The following ZNF714 variants were observed in gnomAD, a reference collection of about 807,000 sequenced individuals.
The protein encoded by ZNF714 is zinc finger protein 714.
Under a neutral mutation model 46.2 loss-of-function variants are expected in ZNF714, and 32 were observed. The ratio of observed to expected loss-of-function variants is 0.69; its 90% confidence interval spans 0.52 to 0.93. The LOEUF (loss-of-function observed/expected upper bound fraction) is 0.93. Ranked by LOEUF, ZNF714 falls within the 40% of genes least tolerant of loss-of-function variation. The pLI is 0.00. For synonymous variants in ZNF714, 199 were observed against 213.1 expected, an observed-to-expected ratio of 0.93 and a Z score of 0.58; for missense variants, 635 against 646.3, an observed-to-expected ratio of 0.98 and a Z score of 0.19.
intron 4 of ZNF714, among the ~76,000 whole-genome samples, chr19:21,115,874 C>T (rs564702481): frequency 2.0e-5 from 3 of 148,722 alleles, no homozygotes. Flanking sequence ...ATATTTTTTT[C>T]TTATCAGTTT....
chr19:21,096,939 T>C (rs1049219930), intron 2 of ZNF714, among the ~76,000 whole-genome samples: 11 of 152,136 alleles, frequency 7.2e-5, no homozygotes. Flanking sequence ...CAATCTCAGC[T>C]CACTGCAAGC....
rs140084466 is a variant in ZNF714 at position 21,121,440 on chromosome 19, T to A, written c.*3108T>A. The A allele has an allele frequency of 1.3e-5, 2 of 152,226 alleles. No homozygotes were observed. Among genetic ancestry groups the A allele is most frequent in the Admixed American group, 6.5e-5 (1 of 15,288 alleles). 9.4% of individuals were successfully genotyped at this position (152,226 alleles called of 1,614,324 possible). ...TCATAATACAAATTATATATGAGTA[T>A]AAATAAAATTCATTTCTAAACTATT... On this transcript the variant is annotated 3_prime_UTR_variant, in exon 5 of 5. Coordinates refer to ENST00000456283, the MANE Select transcript of ZNF714 (RefSeq NM_182515.4).
intron 2 of ZNF714, among the ~76,000 whole-genome samples, chr19:21,086,828 T>C (rs1300823966): frequency 6.6e-6 from 1 of 152,126 alleles, no homozygotes; most frequent in Non-Finnish European, 1.5e-5. Context: ...CACTTAATCC[T>C]AAGAGTTGTA....
intron 4 of ZNF714, among the ~76,000 whole-genome samples, chr19:21,102,291 T>C (rs1433511534): frequency 1.3e-5 from 2 of 152,218 alleles, no homozygotes; most frequent in African/African-American, 4.8e-5. Flanking sequence ...AGAATTTACA[T>C]GTTATGCCTG....
At chr19:21,092,890 C>T (rs1278533877) in intron 2 of ZNF714, among the ~76,000 whole-genome samples, 1 of 148,156 alleles carries the variant, frequency 6.7e-6, no homozygotes, top group African/African-American at 2.5e-5. Context: ...GTCTATGTTG[C>T]TGCAAATAAC....
intron 2 of ZNF714, among the ~76,000 whole-genome samples, chr19:21,094,021 C>T (rs1279209775): frequency 6.6e-6 from 1 of 152,218 alleles, no homozygotes; most frequent in South Asian, 2.1e-4. Context: ...GACGGAGTCT[C>T]ACTCTGTTGC....
rs144614039 is a variant in ZNF714 at position 21,096,339 on chromosome 19, T to C, written c.-84-1846T>C. ...TGCCTTTAAGGGACTTGTCTCAAGATGCAGGTGTTACTTGTCCAGAGAATT... is the reference window on the plus strand; with the variant it reads ...TGCCTTTAAGGGACTTGTCTCAAGACGCAGGTGTTACTTGTCCAGAGAATT... On this transcript the variant is annotated intron_variant, in intron 2 of 4. Transcript: ENST00000456283. Among the ~76,000 whole-genome samples, 76 of 152,268 alleles carry C rather than the reference T, an allele frequency of 5.0e-4. 1 individual carries two copies. Among genetic ancestry groups the C allele is most frequent in the African/African-American group, 1.4e-3 (60 of 41,564 alleles).
At position 21,109,598 on chromosome 19, in the gene ZNF714, T is replaced by G. The variant is rs958946711; in HGVS notation, c.143-7209T>G. 10 of 224,756 alleles carry G rather than the reference T, an allele frequency of 4.4e-5. No individual in the cohort carries two copies. In the East Asian group the frequency reaches 1.6e-3, roughly 35 times the overall value. The allele number at this position is 224,756 out of a possible 1,614,324, so 13.9% of individuals were successfully genotyped here. ...ATTGTTGTTTTTTTTTTAATTTAAT[T>G]TAATGTAATTTAATTTTATTTCAGG... On this transcript the variant is annotated intron_variant, in intron 4 of 4. Coordinates refer to ENST00000456283, the MANE Select transcript of ZNF714 (RefSeq NM_182515.4).
chr19:21,082,859 G>A (rs868563077), intron 1 of ZNF714, among the ~76,000 whole-genome samples: 18 of 152,174 alleles, frequency 1.2e-4, no homozygotes, highest in African/African-American at 4.3e-4. Flanking sequence ...TTTATAAACA[G>A]CATGATGAAG....
intron 2 of ZNF714, among the ~76,000 whole-genome samples, chr19:21,094,443 C>G (rs1360061811): frequency 6.6e-6 from 1 of 152,202 alleles, no homozygotes; most frequent in Admixed American, 6.5e-5. Context: ...GGAATCACCA[C>G]ACTGCTTTTC....
chr19:21,112,510 C>CA (rs34485136), intron 4 of ZNF714, among the ~76,000 whole-genome samples: 2 of 148,330 alleles, frequency 1.3e-5, no homozygotes, highest in African/African-American at 5.0e-5. Flanking sequence ...TTAATTTTGT[C>CA]AAAAAAACAG....
At chr19:21,098,763 G>A (rs1969100063) in intron 3 of ZNF714, 49 bp from the exon 4 acceptor site, 1 of 1,313,972 alleles carries the variant, frequency 7.6e-7, no homozygotes, top group Admixed American at 1.9e-5. Context: ...GTACTAGGTT[G>A]GTAACTAGAG....
At chr19:21,110,674 T>G (rs1011383577) in intron 4 of ZNF714, among the ~76,000 whole-genome samples, 21 of 152,248 alleles carry the variant, frequency 1.4e-4, no homozygotes, top group African/African-American at 4.3e-4. Context: ...GCCTATGTCC[T>G]GAATGGTATT....
intron 4 of ZNF714, among the ~76,000 whole-genome samples, chr19:21,106,757 CTT>C (rs1159535128): frequency 2.0e-5 from 3 of 152,056 alleles, no homozygotes; most frequent in Non-Finnish European, 4.4e-5. Context: ...GCTCTCCACT[CTT>C]TTCTTTCATC....
chr19:21,119,373 C>A lies in ZNF714; in HGVS notation c.*1041C>A. On this transcript the variant is annotated 3_prime_UTR_variant, in exon 5 of 5. Transcript: ENST00000456283. ...AGCTGAGATTGCACTCTAGCCTGGG[C>A]CACAGAGCAAGACTCCATCTAAAAA... 1 of 214,436 alleles carries A rather than the reference C, an allele frequency of 4.7e-6. No individual in the cohort carries two copies. The highest frequency in any genetic ancestry group is 9.7e-6 in the Non-Finnish European group (1 of 102,988). The allele number at this position is 214,436 out of a possible 1,614,324, so 13.3% of individuals were successfully genotyped here.
At chr19:21,086,712 T>G (rs900000110) in intron 2 of ZNF714, among the ~76,000 whole-genome samples, 3 of 152,220 alleles carry the variant, frequency 2.0e-5, no homozygotes, top group Non-Finnish European at 4.4e-5. Flanking sequence ...CATCCAGGAA[T>G]GCAGCCCAGT....
At chr19:21,096,928 G>A (rs534152501) in intron 2 of ZNF714, among the ~76,000 whole-genome samples, 20 of 152,128 alleles carry the variant, frequency 1.3e-4, no homozygotes, top group African/African-American at 1.7e-4. Flanking sequence ...GTGCAGTGGC[G>A]CAATCTCAGC....
At position 21,117,829 on chromosome 19, in the gene ZNF714, A is replaced by T. The variant is rs778414556; in HGVS notation, c.1165A>T (p.Ile389Leu). ...NHSSKLTIHK[I>L]IHTGEKPYKC... Reference sequence around the variant, plus strand: ...CTCCTCAAAACTTACTATACATAAGATAATTCATACTGGAGAGAAACCTTA... The same window carrying T: ...CTCCTCAAAACTTACTATACATAAGTTAATTCATACTGGAGAGAAACCTTA... The change falls in exon 5 of 5, where the codon ATA becomes TTA. Residue 389 changes from isoleucine to leucine, a missense_variant. Physicochemically the swap from Ile to Leu is conservative, Grantham distance 5 (BLOSUM62 2). Coordinates refer to ENST00000456283, the MANE Select transcript of ZNF714 (RefSeq NM_182515.4). 1.9e-6 allele frequency: 3 copies of T among 1,612,170 alleles called. No individual in the cohort carries two copies. The Admixed American group carries it at 5.0e-5, about 27-fold the overall frequency.
At chr19:21,103,536 G>A (rs571936079) in intron 4 of ZNF714, among the ~76,000 whole-genome samples, 1 of 152,290 alleles carries the variant, frequency 6.6e-6, no homozygotes, top group Non-Finnish European at 1.5e-5. Flanking sequence ...CTGGGTGACA[G>A]AGCGAGATTA....
Sources: gnomAD v4.1 joint callset for allele counts (sites outside exome capture counted in the v4.1 genomes callset) on GRCh38, gnomAD v4.1.1 for gene constraint, MANE v1.5 for transcripts, NCBI Gene and HGNC (gene_info 2026-07-23, HGNC 2026-07-21) for gene names.